The following SRBD1 variants were observed in gnomAD, a reference collection of about 807,000 sequenced individuals.
SRBD1 encodes S1 RNA binding domain 1.
SRBD1 carries 88 observed loss-of-function variants against 115.3 expected under a neutral mutation model. That is an observed-to-expected ratio of 0.76 (90% CI 0.64 to 0.91). The LOEUF is 0.91. SRBD1 is among the 40% of genes least tolerant of loss of function. SRBD1 has a pLI of 0.00. For missense variants in SRBD1, 1,385 were observed against 1,177.4 expected (o/e 1.18, Z -2.58); for synonymous variants, 509 against 407.7 (o/e 1.25, Z -2.99).
In SRBD1 at chr2:45,488,348, A is replaced by G. The variant is rs751584702; in HGVS notation, c.1875-17T>C. Reference sequence around the variant, plus strand: ...CTGACGATACTGAGAAGACAGAAAAAGGGGAATATCACTTTCCTAACTTCC... The same window carrying G: ...CTGACGATACTGAGAAGACAGAAAAGGGGGAATATCACTTTCCTAACTTCC... On this transcript the variant is annotated splice_polypyrimidine_tract_variant and intron_variant, in intron 14 of 20. Transcript: ENST00000263736. The G allele has an allele frequency of 1.2e-6, 2 of 1,606,324 alleles. No individual in the cohort carries two copies. Among genetic ancestry groups the G allele is most frequent in the Non-Finnish European group, 1.7e-6 (2 of 1,173,786 alleles).
At chr2:45,538,653 C>G (rs780959759) in intron 14 of SRBD1, among the ~76,000 whole-genome samples, 1 of 152,084 alleles carries the variant, frequency 6.6e-6, no homozygotes, top group Non-Finnish European at 1.5e-5. Context: ...ATGAGTTCAT[C>G]CAAACATGAG....
At chr2:45,539,665 T>C (rs1169364054) in intron 14 of SRBD1, among the ~76,000 whole-genome samples, 1 of 152,142 alleles carries the variant, frequency 6.6e-6, no homozygotes, top group Non-Finnish European at 1.5e-5. Context: ...AGAAAAAAAC[T>C]CAAGCCGAGA....
intron 16 of SRBD1, among the ~76,000 whole-genome samples, chr2:45,451,429 C>T (rs1668989471): frequency 6.6e-6 from 1 of 151,912 alleles, no homozygotes; most frequent in Non-Finnish European, 1.5e-5. Context: ...AGAAAAAGTC[C>T]CTTATTGGCA....
At chr2:45,600,188 T>C (rs529779349) in intron 3 of SRBD1, among the ~76,000 whole-genome samples, 2 of 152,178 alleles carry the variant, frequency 1.3e-5, no homozygotes, top group Non-Finnish European at 2.9e-5. Flanking sequence ...ACCAAGTACA[T>C]ACATATACAT....
At chr2:45,426,680 C>T (rs186690075) in intron 16 of SRBD1, among the ~76,000 whole-genome samples, 1,888 of 152,286 alleles carry the variant, frequency 0.012, 48 homozygotes, top group African/African-American at 0.041. Flanking sequence ...TGCTGTTCTG[C>T]AGCCTCCACT....
intron 9 of SRBD1, chr2:45,569,287 C>T (rs952957081): frequency 1.3e-5 from 2 of 152,244 alleles, no homozygotes; most frequent in African/African-American, 4.8e-5. Context: ...TTTTGACCTG[C>T]TCCTTTTCTG....
intron 14 of SRBD1, among the ~76,000 whole-genome samples, chr2:45,530,927 C>CTA (rs1378593667): frequency 7.2e-5 from 11 of 151,834 alleles, no homozygotes; most frequent in South Asian, 2.1e-4. Flanking sequence ...ACAGTGAGAC[C>CTA]CTGTCTCAAA....
In SRBD1 at chr2:45,553,745, A is replaced by C. The variant is rs747595300; in HGVS notation, c.1410-15T>G. The C allele has an allele frequency of 6.5e-7, 1 of 1,533,108 alleles. No homozygotes were observed. Among genetic ancestry groups the C allele is most frequent in the Non-Finnish European group, 8.8e-7 (1 of 1,135,574 alleles). 95.0% of individuals were successfully genotyped at this position (1,533,108 alleles called of 1,614,324 possible). On this transcript the variant is annotated splice_polypyrimidine_tract_variant and intron_variant, in intron 10 of 20. Transcript: ENST00000263736. ...GTGGTCTCCACCTGCAAAACAGAAA[A>C]GCCCACACTAAAACTGATGCAACAA...
intron 14 of SRBD1, among the ~76,000 whole-genome samples, chr2:45,545,283 TA>T (rs56909656): frequency 0.058 from 3,926 of 67,828 alleles, 23 homozygotes; most frequent in East Asian, 0.21. Context: ...CTGTCTCAAT[TA>T]AAAAAAAAAA....
intron 14 of SRBD1, among the ~76,000 whole-genome samples, chr2:45,531,606 T>A (rs868777479): frequency 1.3e-5 from 2 of 151,940 alleles, no homozygotes; most frequent in Non-Finnish European, 1.5e-5. Context: ...AAAATGCTTT[T>A]AAATATTTTT....
intron 14 of SRBD1, among the ~76,000 whole-genome samples, chr2:45,520,939 G>T (rs1671263084): frequency 6.6e-6 from 1 of 152,178 alleles, no homozygotes; most frequent in African/African-American, 2.4e-5. Flanking sequence ...CTATTGCAAT[G>T]GCCCTCTGCC....
At chr2:45,502,315 G>A (rs987966651) in intron 14 of SRBD1, among the ~76,000 whole-genome samples, 2 of 152,166 alleles carry the variant, frequency 1.3e-5, no homozygotes, top group Admixed American at 1.3e-4. Flanking sequence ...ATTTGACCCA[G>A]CCATCCCATT....
At chr2:45,577,884 C>A (rs560498160) in intron 7 of SRBD1, among the ~76,000 whole-genome samples, 39 of 151,908 alleles carry the variant, frequency 2.6e-4, no homozygotes, top group Middle Eastern at 3.4e-3. Context: ...CATTTTTGAT[C>A]AGGGTAAAAG....
chr2:45,389,104 A>C lies in SRBD1; in HGVS notation c.*206T>G, dbSNP rs1273024686. The C allele has an allele frequency of 3.3e-6, 2 of 614,772 alleles. No individual in the cohort carries two copies. The highest frequency in any genetic ancestry group is 1.8e-5 in the African/African-American group (1 of 54,368). 38.1% of individuals were successfully genotyped at this position (614,772 alleles called of 1,614,324 possible). A position where few individuals can be genotyped will look rare whatever the true frequency, so the allele number is the denominator to read the frequency against. On this transcript the variant is annotated 3_prime_UTR_variant, in exon 21 of 21. Transcript: ENST00000263736. ...ATAAAGCCATATAAGAATGTGTATTAGTTGTTTCCTTTAAGGGAAAAGGAA... is the reference window on the plus strand; with the variant it reads ...ATAAAGCCATATAAGAATGTGTATTCGTTGTTTCCTTTAAGGGAAAAGGAA...
At chr2:45,428,708 A>T (rs746097332) in intron 16 of SRBD1, among the ~76,000 whole-genome samples, 2 of 152,146 alleles carry the variant, frequency 1.3e-5, no homozygotes, top group African/African-American at 2.4e-5. Flanking sequence ...CCACAGGGGA[A>T]AGTGGGAAAG....
intron 1 of SRBD1, among the ~76,000 whole-genome samples, chr2:45,610,846 T>C (rs1477914968): frequency 1.3e-5 from 2 of 151,416 alleles, no homozygotes; most frequent in African/African-American, 4.9e-5. Flanking sequence ...GCGAATGGCG[T>C]GAATCCGGGA....
intron 14 of SRBD1, among the ~76,000 whole-genome samples, chr2:45,536,421 A>G (rs1671765299): frequency 6.6e-6 from 1 of 152,082 alleles, no homozygotes; most frequent in South Asian, 2.1e-4. Flanking sequence ...CAATCACCCA[A>G]ACATTTTTAT....
intron 14 of SRBD1, among the ~76,000 whole-genome samples, chr2:45,510,617 C>T (rs1670937337): frequency 6.6e-6 from 1 of 152,206 alleles, no homozygotes; most frequent in Non-Finnish European, 1.5e-5. Flanking sequence ...GTATCACAAA[C>T]AGCAAGAGAA....
In SRBD1 at chr2:45,545,579, T is replaced by C. The variant is rs1672091180; in HGVS notation, c.1874+1153A>G. 1.3e-5 allele frequency among the ~76,000 whole-genome samples: 2 copies of C among 152,178 alleles called. 1 individual carries two copies. Among genetic ancestry groups the C allele is most frequent in the Non-Finnish European group, 2.9e-5 (2 of 68,020 alleles). Reference sequence around the variant, plus strand: ...AAATAAACTGAACCAGCTACATCAGTGCTTGTGTTAGTTTCTCAAAAGGAC... The same window carrying C: ...AAATAAACTGAACCAGCTACATCAGCGCTTGTGTTAGTTTCTCAAAAGGAC... On this transcript the variant is annotated intron_variant, in intron 14 of 20. Transcript: ENST00000263736.
Sources: allele counts gnomAD v4.1 joint callset (sites outside exome capture counted in the v4.1 genomes callset), GRCh38; gene constraint gnomAD v4.1.1; transcripts MANE v1.5; gene names NCBI Gene and HGNC (gene_info 2026-07-23, HGNC 2026-07-21).